CSMD1: variants seen among roughly 807,000 people sequenced by gnomAD.
CSMD1 encodes CUB and Sushi multiple domains 1, also known as CUB and sushi domain-containing protein 1.
CSMD1 carries 213 observed loss-of-function variants against 417.5 expected under a neutral mutation model. That is an observed-to-expected ratio of 0.51 (90% CI 0.46 to 0.57). The LOEUF is 0.57. CSMD1 is among the 20% of genes least tolerant of loss of function. The probability of loss-of-function intolerance (pLI) is 0.00; values close to 1 mark genes in which losing one functional copy is unlikely to be tolerated. For missense variants in CSMD1, 6,923 were observed against 4,529.7 expected (o/e 1.53, Z -15.17); for synonymous variants, 2,862 against 1,736.8 (o/e 1.65, Z -16.11).
At chr8:4,198,531 G>A (rs141421635) in intron 3 of CSMD1, among the ~76,000 whole-genome samples, 1 of 152,140 alleles carries the variant, frequency 6.6e-6, no homozygotes, top group African/African-American at 2.4e-5. Context: ...GGATGAGAAA[G>A]AAAGTGTCTA....
intron 4 of CSMD1, among the ~76,000 whole-genome samples, chr8:4,016,206 G>C (rs937682832): frequency 6.6e-6 from 1 of 152,126 alleles, no homozygotes. Flanking sequence ...TTTAGTCTAA[G>C]TAAAATATTT....
At chr8:3,370,516 G>C (rs764229037) in intron 18 of CSMD1, among the ~76,000 whole-genome samples, 1 of 152,216 alleles carries the variant, frequency 6.6e-6, no homozygotes, top group Non-Finnish European at 1.5e-5. Flanking sequence ...ATGTGCCAGT[G>C]TGACTGGGCT....
In CSMD1 at chr8:3,488,086, G is replaced by GTATTATTAT. The variant is rs34188243; in HGVS notation, c.1448+5528_1448+5536dup. Among the ~76,000 whole-genome samples the GTATTATTAT allele has an allele frequency of 4.4e-3, 652 of 148,292 alleles. 5 individuals carry two copies. The highest frequency in any genetic ancestry group is 0.015 in the African/African-American group (617 of 40,218). On this transcript the variant is annotated intron_variant, in intron 11 of 69. Transcript: ENST00000635120. ...CCAAATAAATGTTTAGAAACTCATA[G>GTATTATTAT]TATTATTATTATTATTATTATTATT... is the stretch of plus-strand genomic sequence containing the variant.
chr8:4,513,241 T>A (rs1403739070), intron 2 of CSMD1, among the ~76,000 whole-genome samples: 1 of 152,158 alleles, frequency 6.6e-6, no homozygotes, highest in Non-Finnish European at 1.5e-5. Context: ...AGATCCTGTA[T>A]GTGTGGGGAC....
chr8:4,464,958 C>T (rs1212064583), intron 2 of CSMD1, among the ~76,000 whole-genome samples: 2 of 152,108 alleles, frequency 1.3e-5, no homozygotes, highest in Non-Finnish European at 2.9e-5. Context: ...TGCTTCCTCC[C>T]ACTCATGATG....
chr8:3,336,667 C>T (rs1320954337), intron 23 of CSMD1, among the ~76,000 whole-genome samples: 6 of 152,136 alleles, frequency 3.9e-5, no homozygotes, highest in East Asian at 1.9e-4. Flanking sequence ...CCTGTGCCCC[C>T]ATCCAGACAG....
intron 5 of CSMD1, among the ~76,000 whole-genome samples, chr8:3,792,531 G>T (rs1799809512): frequency 1.3e-5 from 2 of 152,072 alleles, no homozygotes. Context: ...TCTCACAATT[G>T]ATTTATTTTT....
chr8:3,219,249 C>A lies in CSMD1; in HGVS notation c.4672+6G>T. 1 of 1,582,066 alleles carries A rather than the reference C, an allele frequency of 6.3e-7. No individual in the cohort carries two copies. The highest frequency in any genetic ancestry group is 8.6e-7 in the Non-Finnish European group (1 of 1,162,968). The stretch of plus-strand genomic sequence containing the variant: ...ATTCCCACTCAAATTCAGGCAATCG[C>A]AATACCTTTAAATTCAATGGCGAAC... On this transcript the variant is annotated splice_donor_region_variant and intron_variant, in intron 29 of 69. Transcript: ENST00000635120.
At chr8:3,591,093 G>A (rs1258685295) in intron 8 of CSMD1, among the ~76,000 whole-genome samples, 4 of 152,130 alleles carry the variant, frequency 2.6e-5, no homozygotes, top group Non-Finnish European at 4.4e-5. Flanking sequence ...GATTAATTAC[G>A]TTGCACAACT....
chr8:4,661,584 T>C (rs1407608210), intron 1 of CSMD1, among the ~76,000 whole-genome samples: 3 of 152,170 alleles, frequency 2.0e-5, no homozygotes, highest in African/African-American at 7.2e-5. Context: ...CTCAATACCT[T>C]AGCTGTGATG....
At chr8:3,975,553 A>T (rs1263459129) in intron 5 of CSMD1, among the ~76,000 whole-genome samples, 1 of 152,168 alleles carries the variant, frequency 6.6e-6, no homozygotes, top group Non-Finnish European at 1.5e-5. Flanking sequence ...CACTGTCGGG[A>T]TGACGGGCAG....
intron 3 of CSMD1, among the ~76,000 whole-genome samples, chr8:4,083,267 C>G (rs1195230047): frequency 6.6e-6 from 1 of 152,156 alleles, no homozygotes; most frequent in Non-Finnish European, 1.5e-5. Flanking sequence ...CACAACCTCT[C>G]CAGCACCTGT....
Position 4,155,042 on chromosome 8 carries a change from C to T in CSMD1, c.416-122943G>A, listed in dbSNP as rs1305308969. Among the ~76,000 whole-genome samples the T allele has an allele frequency of 8.5e-5, 13 of 152,318 alleles. No homozygotes were observed. In the East Asian group the frequency reaches 1.2e-3, roughly 14 times the overall value. ...AACCTCATCACAGAACCTAACACTG[C>T]TGCAGAATTTGTCCTGTTCCAGGCC... On this transcript the variant is annotated intron_variant, in intron 3 of 69. Coordinates refer to ENST00000635120, the MANE Select transcript of CSMD1 (RefSeq NM_033225.6).
intron 3 of CSMD1, among the ~76,000 whole-genome samples, chr8:4,255,238 A>G (rs1803371698): frequency 6.6e-6 from 1 of 152,166 alleles, no homozygotes; most frequent in South Asian, 2.1e-4. Context: ...TATGGATTTG[A>G]CTAAAATTTT....
intron 10 of CSMD1, among the ~76,000 whole-genome samples, chr8:3,550,124 G>C (rs1055248331): frequency 4.6e-5 from 7 of 152,056 alleles, no homozygotes; most frequent in Non-Finnish European, 7.4e-5. Context: ...TGTCCCATTG[G>C]GATCACCCAT....
At chr8:3,020,456 A>T (rs1292442012) in intron 51 of CSMD1, among the ~76,000 whole-genome samples, 1 of 151,808 alleles carries the variant, frequency 6.6e-6, no homozygotes. Flanking sequence ...AGCAGCCCTG[A>T]CCTCCTGGGT....
At chr8:3,319,608 A>G (rs1246108432) in intron 23 of CSMD1, among the ~76,000 whole-genome samples, 1 of 152,226 alleles carries the variant, frequency 6.6e-6, no homozygotes, top group Non-Finnish European at 1.5e-5. Context: ...TTTTAAAAAG[A>G]AACATGAGAG....
chr8:4,470,370 T>C (rs912880773), intron 2 of CSMD1, among the ~76,000 whole-genome samples: 3 of 152,204 alleles, frequency 2.0e-5, no homozygotes, highest in Non-Finnish European at 4.4e-5. Context: ...ATGCTTCCTC[T>C]CTCTTCCCTC....
chr8:3,910,791 C>A (rs1008042614), intron 5 of CSMD1, among the ~76,000 whole-genome samples: 1 of 152,134 alleles, frequency 6.6e-6, no homozygotes, highest in African/African-American at 2.4e-5. Flanking sequence ...TACATTATTA[C>A]AAATATAACT....
Sources: gnomAD v4.1 joint callset for allele counts (sites outside exome capture counted in the v4.1 genomes callset) on GRCh38, gnomAD v4.1.1 for gene constraint, MANE v1.5 for transcripts, NCBI Gene and HGNC (gene_info 2026-07-23, HGNC 2026-07-21) for gene names.